The following WASHC4 variants were observed in gnomAD, a reference collection of about 807,000 sequenced individuals.
WASHC4 encodes the protein WASH complex subunit 4.
A neutral mutation model predicts 166.6 loss-of-function variants in WASHC4; 86 were observed. The ratio of observed to expected loss-of-function variants is 0.52; its 90% confidence interval spans 0.43 to 0.62. WASHC4 has a LOEUF of 0.62. Among genes scored for constraint, WASHC4 ranks in the 20% least tolerant of loss-of-function variants. WASHC4 has a pLI of 0.00. For synonymous variants in WASHC4, 446 were observed against 451.6 expected (o/e 0.99, Z 0.16); for missense variants, 1,262 against 1,382.4 (o/e 0.91, Z 1.38).
At chr12:105,143,029 T>A in intron 19 of WASHC4, 98 bp from the exon 20 acceptor site, 3 of 758,392 alleles carry the variant, frequency 4.0e-6, no homozygotes, top group Middle Eastern at 2.5e-4. Flanking sequence ...TTCCTTCAGA[T>A]CGAGGTTTTG....
chr12:105,109,692 C>T (rs1464006150), intron 1 of WASHC4, among the ~76,000 whole-genome samples: 3 of 131,422 alleles, frequency 2.3e-5, no homozygotes, highest in South Asian at 2.4e-4. Context: ...CTCACTCTGT[C>T]GCCCAGTGCC....
At chr12:105,152,486 C>A in intron 26 of WASHC4, 35 bp downstream of exon 26, 1 of 1,056,496 alleles carries the variant, frequency 9.5e-7, no homozygotes, top group Non-Finnish European at 1.5e-6. Flanking sequence ...AAATCAGGTA[C>A]AGATCCCTAC....
chr12:105,143,653 A>T (rs1883049281), intron 20 of WASHC4, among the ~76,000 whole-genome samples: 1 of 152,002 alleles, frequency 6.6e-6, no homozygotes, highest in African/African-American at 2.4e-5. Context: ...TAACAAAAGT[A>T]ATTTGAATCC....
chr12:105,124,175 A>G (rs1881052920), intron 10 of WASHC4, among the ~76,000 whole-genome samples: 1 of 146,394 alleles, frequency 6.8e-6, no homozygotes, highest in Admixed American at 6.9e-5. Flanking sequence ...GCTGGAGTGC[A>G]GTGGAGCTAT....
rs566009065 is a variant in WASHC4 at position 105,123,342 on chromosome 12, T to C, written c.786+1104T>C. Among the ~76,000 whole-genome samples the C allele has an allele frequency of 7.9e-5, 12 of 152,088 alleles. No individual in the cohort carries two copies. The South Asian group carries it at 2.5e-3, about 32-fold the overall frequency. ...GGGGGTGGGGAAAGCAGAGATAGGC[T>C]GAAAGTTAGGCCTCTTGCTGTGACT... On this transcript the variant is annotated intron_variant, in intron 10 of 32. Transcript: ENST00000332180.
chr12:105,161,036 T>G (rs1884463036), intron 29 of WASHC4, among the ~76,000 whole-genome samples: 1 of 152,170 alleles, frequency 6.6e-6, no homozygotes, highest in Non-Finnish European at 1.5e-5. Context: ...AGGTATATAT[T>G]AGTAATAAGA....
At chr12:105,122,378 G>A (rs1880846211) in intron 10 of WASHC4, 140 bp downstream of exon 10, 1 of 816,996 alleles carries the variant, frequency 1.2e-6, no homozygotes, top group Non-Finnish European at 1.9e-6. Flanking sequence ...TATTGTTACA[G>A]TACTAAAATA....
intron 10 of WASHC4, among the ~76,000 whole-genome samples, chr12:105,123,669 A>C (rs1477159163): frequency 1.3e-5 from 2 of 152,230 alleles, no homozygotes; most frequent in East Asian, 3.8e-4. Context: ...ATAACATTAA[A>C]GTGCAAAAGC....
intron 13 of WASHC4, among the ~76,000 whole-genome samples, chr12:105,129,231 A>G (rs564056098): frequency 6.6e-6 from 1 of 152,130 alleles, no homozygotes; most frequent in East Asian, 1.9e-4. Context: ...GGCGTGAGCC[A>G]CCGCGCCAAC....
intron 25 of WASHC4, among the ~76,000 whole-genome samples, chr12:105,150,368 C>G (rs532445732): frequency 1.3e-5 from 2 of 152,300 alleles, no homozygotes; most frequent in African/African-American, 4.8e-5. Context: ...CTCAGACTTT[C>G]TGAAAACTTC....
At chr12:105,120,722 GTT>G in intron 8 of WASHC4, 125 bp downstream of exon 8, 1 of 694,514 alleles carries the variant, frequency 1.4e-6, no homozygotes, top group South Asian at 1.6e-5. Context: ...GTGTGTGTGT[GTT>G]TGTGTGTGTT....
At chr12:105,160,325 C>G (rs973236536) in intron 29 of WASHC4, among the ~76,000 whole-genome samples, 177 bp downstream of exon 29, 2 of 152,032 alleles carry the variant, frequency 1.3e-5, no homozygotes, top group Admixed American at 6.6e-5. Flanking sequence ...GTTAGCCATG[C>G]TGAAGGACAC....
chr12:105,163,833 G>A (rs1025534715), intron 30 of WASHC4, among the ~76,000 whole-genome samples: 5 of 152,002 alleles, frequency 3.3e-5, no homozygotes, highest in South Asian at 2.1e-4. Flanking sequence ...CAGCTATATC[G>A]TTTCTCCTGG....
chr12:105,122,389 T>C (rs1880847072), intron 10 of WASHC4, 151 bp downstream of exon 10: 1 of 750,938 alleles, frequency 1.3e-6, no homozygotes. Context: ...TACTAAAATA[T>C]TTCTGTATCT....
chr12:105,155,912 T>C (rs1884129517), intron 26 of WASHC4, among the ~76,000 whole-genome samples: 2 of 152,158 alleles, frequency 1.3e-5, no homozygotes, highest in Admixed American at 1.3e-4. Context: ...GTAGATATTA[T>C]ACAACACTGG....
At chr12:105,111,897 T>C (rs1879711889) in intron 2 of WASHC4, among the ~76,000 whole-genome samples, 3 of 152,220 alleles carry the variant, frequency 2.0e-5, no homozygotes, top group African/African-American at 7.2e-5. Context: ...TCTTGAGATA[T>C]AATTCATATA....
chr12:105,161,905 T>C (rs966239469), intron 29 of WASHC4, among the ~76,000 whole-genome samples: 3 of 152,230 alleles, frequency 2.0e-5, no homozygotes, highest in Admixed American at 6.5e-5. Flanking sequence ...AATTAAAATT[T>C]CATAAAATTA....
chr12:105,148,259 G>A (rs528732052), intron 24 of WASHC4: 633 of 985,266 alleles, frequency 6.4e-4, no homozygotes, highest in Non-Finnish European at 7.3e-4. Flanking sequence ...CAAATGAAGA[G>A]TCATCCATGT....
Position 105,148,548 on chromosome 12 carries a change from T to A in WASHC4, c.2515-1067T>A, listed in dbSNP as rs1031414870. ...AAGGATAGAAATCAGGATGGCAGAA[T>A]AGTTACCCACTATTAAGAGTGGAAA... On this transcript the variant is annotated intron_variant, in intron 24 of 32. Transcript: ENST00000332180. 5.1e-6 allele frequency: 5 copies of A among 985,196 alleles called. No individual in the cohort carries two copies. The African/African-American group carries it at 8.7e-5, about 17-fold the overall frequency. 61.0% of individuals were successfully genotyped at this position (985,196 alleles called of 1,614,324 possible).
Sources: gnomAD v4.1 joint callset for allele counts (sites outside exome capture counted in the v4.1 genomes callset) on GRCh38, gnomAD v4.1.1 for gene constraint, MANE v1.5 for transcripts, NCBI Gene and HGNC (gene_info 2026-07-23, HGNC 2026-07-21) for gene names.